The following ACKR1 variants were observed in gnomAD, a reference collection of about 807,000 sequenced individuals.
The protein encoded by ACKR1 is atypical chemokine receptor 1 (Duffy blood group).
A neutral mutation model predicts 2.5 loss-of-function variants in ACKR1; 3 were observed. That is an observed-to-expected ratio of 1.18 (90% CI 0.54 to 3.06). ACKR1 has a LOEUF of 3.06. Ranked by LOEUF, ACKR1 falls within the 30% of genes most tolerant of loss-of-function variation. ACKR1 has a pLI of 0.03. For synonymous variants in ACKR1, 208 were observed against 178.2 expected, an observed-to-expected ratio of 1.17 and a Z score of -1.33; for missense variants, 438 against 395.2, an observed-to-expected ratio of 1.11 and a Z score of -0.92.
At chr1:159,205,268 A>G (rs1650401094) in intron 1 of ACKR1, 193 bp from the exon 2 acceptor site, 9 of 758,634 alleles carry the variant, frequency 1.2e-5, no homozygotes, top group Non-Finnish European at 1.9e-5. Flanking sequence ...TGGCTTCCCC[A>G]GGACTGTTCC....
At position 159,206,434 on chromosome 1, in the gene ACKR1, T is replaced by C; in HGVS notation, c.995T>C (p.Leu332Pro). Residue 332 changes from leucine (L) to proline (P), a missense_variant, in exon 2 of 2, where the codon CTT (leucine) becomes CCT (proline). Transcript: ENST00000368122. ...GGATGGTCTTCTCATCTGGACACCC[T>C]TGGAAGCAAATCCTAGTTCTCTTCC... is the stretch of plus-strand genomic sequence containing the variant. ...PEGWSSHLDT[L>P]GSKS 6.2e-7 allele frequency: 1 copy of C among 1,612,260 alleles called. No homozygotes were observed. Among genetic ancestry groups the C allele is most frequent in the Non-Finnish European group, 8.5e-7 (1 of 1,178,602 alleles).
chr1:159,206,466 T>G lies in ACKR1; in HGVS notation c.*16T>G. The G allele has an allele frequency of 6.3e-7, 1 of 1,597,522 alleles. No individual in the cohort carries two copies. Among genetic ancestry groups the G allele is most frequent in the Non-Finnish European group, 8.6e-7 (1 of 1,169,548 alleles). On this transcript the variant is annotated 3_prime_UTR_variant, in exon 2 of 2. Coordinates refer to ENST00000368122, the MANE Select transcript of ACKR1 (RefSeq NM_002036.4). ...CAAATCCTAGTTCTCTTCCCACCTG[T>G]CAACCTGAATTAAAGTCTACACTGC...
At position 159,205,674 on chromosome 1, in the gene ACKR1, G is replaced by A. The variant is rs1476566991; in HGVS notation, c.235G>A (p.Val79Ile). The A allele has an allele frequency of 6.2e-7, 1 of 1,614,224 alleles. No individual in the cohort carries two copies. The highest frequency in any genetic ancestry group is 1.3e-5 in the African/African-American group (1 of 75,056). Residue 79 changes from valine (V) to isoleucine (I), a missense_variant, in exon 2 of 2, where the codon GTC becomes ATC. Physicochemically the swap from Val to Ile is conservative, Grantham distance 29. Coordinates refer to ENST00000368122, the MANE Select transcript of ACKR1 (RefSeq NM_002036.4). ...SVLGILASST[V>I]LFMLFRPLFR... Reference sequence around the variant, plus strand: ...CCTGGGTATCCTAGCTAGCAGCACTGTCCTCTTCATGCTTTTCAGACCTCT... The same window carrying A: ...CCTGGGTATCCTAGCTAGCAGCACTATCCTCTTCATGCTTTTCAGACCTCT...
rs567684395 is a variant in ACKR1 at position 159,205,179 on chromosome 1, G to T, written c.21+199G>T. 185 of 712,014 alleles carry T rather than the reference G, an allele frequency of 2.6e-4. 1 individual carries two copies. In the African/African-American group the frequency reaches 3.2e-3, roughly 12 times the overall value. 44.1% of individuals were successfully genotyped at this position (712,014 alleles called of 1,614,324 possible). A position where few individuals can be genotyped will look rare whatever the true frequency, so the allele number is the denominator to read the frequency against. On this transcript the variant is annotated intron_variant, in intron 1 of 1. Coordinates refer to ENST00000368122, the MANE Select transcript of ACKR1 (RefSeq NM_002036.4). ...AGCTCCCTCTTGTGTCCCTCCCTTT[G>T]CCTTTGAGTCAGTTCCATCCTGGTC... is the stretch of plus-strand genomic sequence containing the variant.
At position 159,206,487 on chromosome 1, in the gene ACKR1, A is replaced by G; in HGVS notation, c.*37A>G. On this transcript the variant is annotated 3_prime_UTR_variant, in exon 2 of 2. Transcript: ENST00000368122. ...CCTGTCAACCTGAATTAAAGTCTAC[A>G]CTGCCTTTGTGAAGCGGGTGGTTTC... is the stretch of plus-strand genomic sequence containing the variant. 6.4e-7 allele frequency: 1 copy of G among 1,558,120 alleles called. No homozygotes were observed.
Position 159,205,653 on chromosome 1 carries a change from G to C in ACKR1, c.214G>C (p.Gly72Arg), listed in dbSNP as rs1054826033. The C allele has an allele frequency of 6.2e-7, 1 of 1,614,156 alleles. No individual in the cohort carries two copies. The highest frequency in any genetic ancestry group is 1.7e-5 in the Admixed American group (1 of 60,018). Residue 72 changes from glycine to arginine, a missense_variant, in exon 2 of 2, where the codon GGT becomes CGT. Transcript: ENST00000368122. ...CTTCTTCATCCTCACCAGTGTCCTGGGTATCCTAGCTAGCAGCACTGTCCT... is the reference window on the plus strand; with the variant it reads ...CTTCTTCATCCTCACCAGTGTCCTGCGTATCCTAGCTAGCAGCACTGTCCT... ...LPFFILTSVL[G>R]ILASSTVLFM...
rs745704535 is a variant in ACKR1 at position 159,205,858 on chromosome 1, C to G, written c.419C>G (p.Ala140Gly). The change falls in exon 2 of 2, where the codon GCC (alanine) becomes GGC (glycine). Residue 140 changes from alanine to glycine, a missense_variant. Transcript: ENST00000368122. Reference sequence around the variant, plus strand: ...GGCTACTGTGTCTGGTATGGCTCAGCCTTTGCCCAGGCTTTGCTGCTAGGG... The same window carrying G: ...GGCTACTGTGTCTGGTATGGCTCAGGCTTTGCCCAGGCTTTGCTGCTAGGG... ...SLGYCVWYGS[A>G]FAQALLLGCH... 1 of 1,614,088 alleles carries G rather than the reference C, an allele frequency of 6.2e-7. No homozygotes were observed. The highest frequency in any genetic ancestry group is 1.1e-5 in the South Asian group (1 of 91,080).
At position 159,206,069 on chromosome 1, in the gene ACKR1, C is replaced by T. The variant is rs747626656; in HGVS notation, c.630C>T (p.His210=). Reference sequence around the variant, plus strand: ...AGCTGAAGGCTTTGCAGGCCACACACACTGTAGCCTGTCTTGCCATCTTTG... The same window carrying T: ...AGCTGAAGGCTTTGCAGGCCACACATACTGTAGCCTGTCTTGCCATCTTTG... ...STELKALQAT[H]TVACLAIFVL... The change falls in exon 2 of 2, where the codon CAC becomes CAT. Residue 210 remains histidine, a synonymous_variant. Transcript: ENST00000368122. The T allele has an allele frequency of 1.4e-5, 22 of 1,614,164 alleles. No homozygotes were observed. In the Middle Eastern group the frequency reaches 4.9e-4, roughly 36 times the overall value.
In ACKR1 at chr1:159,206,488, C is replaced by T; in HGVS notation, c.*38C>T. On this transcript the variant is annotated 3_prime_UTR_variant, in exon 2 of 2. Transcript: ENST00000368122. ...CTGTCAACCTGAATTAAAGTCTACA[C>T]TGCCTTTGTGAAGCGGGTGGTTTCT... 3 of 1,555,606 alleles carry T rather than the reference C, an allele frequency of 1.9e-6. No homozygotes were observed. The highest frequency in any genetic ancestry group is 1.7e-6 in the Non-Finnish European group (2 of 1,146,542).
Position 159,205,622 on chromosome 1 carries a change from A to C in ACKR1, c.183A>C (p.Ala61=). ...CCTGTAACCTGCTGGATGACTCTGCACTGCCCTTCTTCATCCTCACCAGTG... is the reference window on the plus strand; with the variant it reads ...CCTGTAACCTGCTGGATGACTCTGCCCTGCCCTTCTTCATCCTCACCAGTG... The part of the protein sequence containing the change: ...CHSCNLLDDS[A]LPFFILTSVL... Residue 61 remains alanine (A), a synonymous_variant, in exon 2 of 2, where the codon GCA becomes GCC. Transcript: ENST00000368122. 6.2e-7 allele frequency: 1 copy of C among 1,614,188 alleles called. No individual in the cohort carries two copies. The highest frequency in any genetic ancestry group is 2.2e-5 in the East Asian group (1 of 44,878).
In ACKR1 at chr1:159,206,403, C is replaced by G; in HGVS notation, c.964C>G (p.Pro322Ala). 5 of 1,614,176 alleles carry G rather than the reference C, an allele frequency of 3.1e-6. No homozygotes were observed. Among genetic ancestry groups the G allele is most frequent in the Non-Finnish European group, 4.2e-6 (5 of 1,180,018 alleles). ...TRTLLPSLPL[P>A]EGWSSHLDTL... ...CACCCTCTTGCCCTCTCTGCCCCTC[C>G]CTGAAGGATGGTCTTCTCATCTGGA... Residue 322 changes from proline to alanine, a missense_variant, in exon 2 of 2, where the codon CCT becomes GCT. Physicochemically the swap from Pro to Ala is conservative, Grantham distance 27. Transcript: ENST00000368122.
rs376855885 is a variant in ACKR1, at chr1:159,205,463, G to C, written c.24G>C (p.Ala8=). 2 of 1,607,942 alleles carry C rather than the reference G, an allele frequency of 1.2e-6. No individual in the cohort carries two copies. Among genetic ancestry groups the C allele is most frequent in the Admixed American group, 1.7e-5 (1 of 59,806 alleles). Residue 8 remains alanine (A), a splice_region_variant and synonymous_variant, in exon 2 of 2, where the codon GCG becomes GCC. Transcript: ENST00000368122. ...CCTCCTCTGGGTATGTCCTCCAGGC[G>C]GAGCTCTCCCCCTCAACTGAGAACT... The part of the protein sequence containing the change: MGNCLHR[A]ELSPSTENSS...
chr1:159,206,303 G>A lies in ACKR1; in HGVS notation c.864G>A (p.Leu288=). Residue 288 remains leucine (L), a synonymous_variant, in exon 2 of 2, where the codon CTG becomes CTA. Coordinates refer to ENST00000368122, the MANE Select transcript of ACKR1 (RefSeq NM_002036.4). ...AGGCTCTGGACCTGCTGCTGAACCT[G>A]GCAGAAGCCCTGGCAATTTTGCACT... ...AQQALDLLLN[L]AEALAILHCV... The A allele has an allele frequency of 1.9e-6, 3 of 1,614,222 alleles. No individual in the cohort carries two copies. The highest frequency in any genetic ancestry group is 2.5e-6 in the Non-Finnish European group (3 of 1,180,044).
At chr1:159,205,283 C>A in intron 1 of ACKR1, 178 bp from the exon 2 acceptor site, 1 of 813,776 alleles carries the variant, frequency 1.2e-6, no homozygotes, top group Non-Finnish European at 1.9e-6. Flanking sequence ...TGTTCCTGCT[C>A]CGGCTCTTCA....
Position 159,205,793 on chromosome 1 carries a change from A to C in ACKR1, c.354A>C (p.Pro118=). ...LFSIVVPVLA[P]GLGSTRSSAL... is the part of the protein sequence containing the mutation. ...GCATTGTGGTGCCCGTCTTGGCCCC[A>C]GGGCTAGGTAGCACTCGCAGCTCTG... Residue 118 remains proline (P), a synonymous_variant, in exon 2 of 2, where the codon CCA becomes CCC. Coordinates refer to ENST00000368122, the MANE Select transcript of ACKR1 (RefSeq NM_002036.4). 1 of 1,614,080 alleles carries C rather than the reference A, an allele frequency of 6.2e-7. No individual in the cohort carries two copies. The highest frequency in any genetic ancestry group is 8.5e-7 in the Non-Finnish European group (1 of 1,179,996).
intron 1 of ACKR1, 139 bp from the exon 2 acceptor site, chr1:159,205,322 C>G (rs892366225): frequency 8.5e-6 from 9 of 1,056,040 alleles, no homozygotes; most frequent in Admixed American, 7.6e-5. Context: ...TTTCCACTGT[C>G]CGCACTGCAT....
chr1:159,205,263 T>C, intron 1 of ACKR1, 198 bp from the exon 2 acceptor site: 2 of 733,636 alleles, frequency 2.7e-6, no homozygotes, highest in South Asian at 4.0e-5. Context: ...TGCCCTGGCT[T>C]CCCCAGGACT....
Position 159,206,261 on chromosome 1 carries a change from A to G in ACKR1, c.822A>G (p.Ser274=). 1 of 1,614,206 alleles carries G rather than the reference A, an allele frequency of 6.2e-7. No homozygotes were observed. Among genetic ancestry groups the G allele is most frequent in the Non-Finnish European group, 8.5e-7 (1 of 1,180,038 alleles). The change falls in exon 2 of 2, where the codon TCA becomes TCG. Residue 274 remains serine (S), a synonymous_variant. Transcript: ENST00000368122. Reference sequence around the variant, plus strand: ...TGAGGTCCAAGCTGTTGCTGTTGTCAACATGTCTGGCCCAGCAGGCTCTGG... The same window carrying G: ...TGAGGTCCAAGCTGTTGCTGTTGTCGACATGTCTGGCCCAGCAGGCTCTGG... ...FLVRSKLLLL[S]TCLAQQALDL...
At chr1:159,205,285 G>T in intron 1 of ACKR1, 176 bp from the exon 2 acceptor site, 1 of 816,314 alleles carries the variant, frequency 1.2e-6, no homozygotes, top group Non-Finnish European at 1.9e-6. Context: ...TTCCTGCTCC[G>T]GCTCTTCAGG....
Sources: allele counts gnomAD v4.1 joint callset, GRCh38; gene constraint gnomAD v4.1.1; transcripts MANE v1.5; gene names NCBI Gene and HGNC (gene_info 2026-07-23, HGNC 2026-07-21).